TUBA3C: variants seen among roughly 807,000 people sequenced by gnomAD.
The protein encoded by TUBA3C is tubulin alpha-3C chain.
Under a neutral mutation model 33.4 loss-of-function variants are expected in TUBA3C, and 23 were observed. The observed-to-expected ratio is 0.69, with a 90% confidence interval of 0.50 to 0.98. TUBA3C has a LOEUF of 0.98. Ranked by LOEUF, TUBA3C falls within the 50% of genes least tolerant of loss-of-function variation. The probability of loss-of-function intolerance (pLI) is 0.00; values close to 1 mark genes in which losing one functional copy is unlikely to be tolerated. For synonymous variants in TUBA3C, 269 were observed against 250.4 expected (o/e 1.07, Z -0.70); for missense variants, 402 against 616.0 (o/e 0.65, Z 3.68).
rs202136452 is a variant in TUBA3C at position 19,181,766 on chromosome 13, C to A, written c.-19G>T. ...TTACCATGTTGAGCTCCTCCGCTGC[C>A]GCAGCCCAACGCTACTACTTGACCT... On this transcript the variant is annotated 5_prime_UTR_variant, in exon 1 of 5. Transcript: ENST00000400113. 6.9e-6 allele frequency: 11 copies of A among 1,601,860 alleles called. No homozygotes were observed. The African/African-American group carries it at 1.3e-4, about 19-fold the overall frequency.
Position 19,177,491 on chromosome 13 carries a change from C to G in TUBA3C, c.492G>C (p.Lys164Asn). 3 of 1,614,138 alleles carry G rather than the reference C, an allele frequency of 1.9e-6. No homozygotes were observed. Among genetic ancestry groups the G allele is most frequent in the Non-Finnish European group, 2.5e-6 (3 of 1,180,032 alleles). The change falls in exon 4 of 5, where the codon AAG becomes AAC. Residue 164 changes from lysine (K) to asparagine (N), a missense_variant. Coordinates refer to ENST00000400113, the MANE Select transcript of TUBA3C (RefSeq NM_006001.3). The surrounding 1 kb of genome is among the most constrained non-coding windows in gnomAD (Gnocchi z 5.0). ...GGTAAATGGCAAATTCTAGCTTGGACTTCTTGCCGTAATCCACTGAGAGCC... is the reference window on the plus strand; with the variant it reads ...GGTAAATGGCAAATTCTAGCTTGGAGTTCTTGCCGTAATCCACTGAGAGCC... ...MERLSVDYGK[K>N]SKLEFAIYPA...
chr13:19,173,788 C>A lies in TUBA3C; in HGVS notation c.*75G>T. On this transcript the variant is annotated 3_prime_UTR_variant, in exon 5 of 5. Coordinates refer to ENST00000400113, the MANE Select transcript of TUBA3C (RefSeq NM_006001.3). ...ACAGAGGTCTTGGTTTTATACAGAA[C>A]CTTTAATTGCAAAGAACTTGAAAGC... The A allele has an allele frequency of 6.4e-7, 1 of 1,553,956 alleles. No homozygotes were observed. Among genetic ancestry groups the A allele is most frequent in the Non-Finnish European group, 8.7e-7 (1 of 1,150,038 alleles).
At chr13:19,178,019 G>A (rs1869263254) in intron 3 of TUBA3C, among the ~76,000 whole-genome samples, 1 of 152,104 alleles carries the variant, frequency 6.6e-6, no homozygotes, top group Non-Finnish European at 1.5e-5. Flanking sequence ...ACTAATGTGT[G>A]TATTTTTAGT....
chr13:19,175,792 G>T (rs1869157857), intron 4 of TUBA3C, among the ~76,000 whole-genome samples: 1 of 152,130 alleles, frequency 6.6e-6, no homozygotes, highest in Non-Finnish European at 1.5e-5. Flanking sequence ...CACCCAGGCT[G>T]GAGTGCAGTG....
At position 19,181,695 on chromosome 13, in the gene TUBA3C, G is replaced by A. The variant is rs775911004; in HGVS notation, c.3+50C>T. 12 of 1,600,436 alleles carry A rather than the reference G, an allele frequency of 7.5e-6. No homozygotes were observed. In the African/African-American group the frequency reaches 8.0e-5, roughly 11 times the overall value. ...CCAGCCACCTCAGGAGGCCAACTTC[G>A]TCCACCCTCCAGCCTGGGCGTCTGC... On this transcript the variant is annotated intron_variant, in intron 1 of 4. Transcript: ENST00000400113.
At chr13:19,174,816 G>T (rs1393358839) in intron 4 of TUBA3C, among the ~76,000 whole-genome samples, 2 of 152,048 alleles carry the variant, frequency 1.3e-5, no homozygotes, top group African/African-American at 4.8e-5. Context: ...AAAAAAATTA[G>T]CTGGGCATGG....
Position 19,173,846 on chromosome 13 carries a change from C to A in TUBA3C, c.*17G>T. The A allele has an allele frequency of 6.2e-7, 1 of 1,602,410 alleles. No individual in the cohort carries two copies. The highest frequency in any genetic ancestry group is 2.2e-5 in the East Asian group (1 of 44,746). ...CTGGGGGTGGCAGTGGAGTGGAGAA[C>A]CCACCACACCCTCCCCTCAGTATTC... On this transcript the variant is annotated 3_prime_UTR_variant, in exon 5 of 5. Coordinates refer to ENST00000400113, the MANE Select transcript of TUBA3C (RefSeq NM_006001.3).
intron 1 of TUBA3C, among the ~76,000 whole-genome samples, chr13:19,180,524 C>A (rs1869363809): frequency 1.3e-5 from 2 of 150,662 alleles, no homozygotes; most frequent in African/African-American, 4.9e-5. Flanking sequence ...TTTTTTTAAA[C>A]AGAGTCTTGC....
At chr13:19,179,615 C>A in intron 1 of TUBA3C, 52 bp from the exon 2 acceptor site, 1 of 1,573,154 alleles carries the variant, frequency 6.4e-7, no homozygotes, top group Non-Finnish European at 8.6e-7. Context: ...CAACTTGAAG[C>A]TATATGGTAT....
chr13:19,173,961 A>C lies in TUBA3C; in HGVS notation c.1255T>G (p.Ser419Ala), dbSNP rs752255308. ...GCTGCCAGGTCCTCGCGGGCCTCAG[A>C]GAACTCCCCCTCCTCCATGCCTTCT... ...VGEGMEEGEF[S>A]EAREDLAALE... The change falls in exon 5 of 5, where the codon TCT becomes GCT. Residue 419 changes from serine (S) to alanine (A), a missense_variant. Transcript: ENST00000400113. The C allele has an allele frequency of 1.2e-6, 2 of 1,614,038 alleles. No homozygotes were observed. Among genetic ancestry groups the C allele is most frequent in the Non-Finnish European group, 1.7e-6 (2 of 1,180,016 alleles).
intron 4 of TUBA3C, 149 bp downstream of exon 4, chr13:19,176,778 A>G: frequency 2.6e-6 from 1 of 383,830 alleles, no homozygotes. Context: ...TGAATTAATG[A>G]TCACTCTGGT....
rs772417070 is a variant in TUBA3C, at chr13:19,174,059, T to A, written c.1157A>T (p.Glu386Val). Residue 386 changes from glutamate to valine, a missense_variant, in exon 5 of 5, where the codon GAG (glutamate) becomes GTG (valine). Coordinates refer to ENST00000400113, the MANE Select transcript of TUBA3C (RefSeq NM_006001.3). ...CTTATGGTCCAGGCGAGCCCAGGCC[T>A]CCGCGATGGCCGTGGTGTTGCTCAG... ...CMLSNTTAIA[E>V]AWARLDHKFD... 1.9e-6 allele frequency: 3 copies of A among 1,613,862 alleles called. No individual in the cohort carries two copies. The highest frequency in any genetic ancestry group is 1.7e-6 in the Non-Finnish European group (2 of 1,180,008).
intron 4 of TUBA3C, among the ~76,000 whole-genome samples, chr13:19,175,572 T>G (rs36216411): frequency 6.6e-6 from 1 of 152,176 alleles, no homozygotes; most frequent in African/African-American, 2.4e-5. Context: ...TCTCTTCTTC[T>G]CCTTCAGGGG....
At chr13:19,180,669 G>T (rs1471636784) in intron 1 of TUBA3C, among the ~76,000 whole-genome samples, 2 of 151,612 alleles carry the variant, frequency 1.3e-5, no homozygotes, top group Non-Finnish European at 2.9e-5. Context: ...CTAATTTTTT[G>T]TATTTTTAGT....
chr13:19,176,851 G>A, intron 4 of TUBA3C, 76 bp downstream of exon 4: 9 of 1,542,056 alleles, frequency 5.8e-6, no homozygotes, highest in South Asian at 2.5e-5. Context: ...AAGGATGTGG[G>A]CCTTCAGGGG....
At chr13:19,176,755 A>AAAAAAAAAAC in intron 4 of TUBA3C, among the ~76,000 whole-genome samples, 172 bp downstream of exon 4, 1 of 147,122 alleles carries the variant, frequency 6.8e-6, no homozygotes, top group Non-Finnish European at 1.5e-5. Flanking sequence ...AAAAAAAAAA[A>AAAAAAAAAAC]AAAAGACATC....
intron 4 of TUBA3C, among the ~76,000 whole-genome samples, chr13:19,175,705 G>A (rs1593260290): frequency 6.6e-6 from 1 of 152,284 alleles, no homozygotes; most frequent in Non-Finnish European, 1.5e-5. Context: ...GTGTGACAGA[G>A]GTCGTGTAAC....
chr13:19,180,143 C>T (rs741728), intron 1 of TUBA3C, among the ~76,000 whole-genome samples: 25 of 152,060 alleles, frequency 1.6e-4, no homozygotes, highest in Admixed American at 5.9e-4. Context: ...GACAGGCAGC[C>T]GCAGGAGACC....
intron 4 of TUBA3C, among the ~76,000 whole-genome samples, chr13:19,175,579 G>A (rs1869150417): frequency 6.6e-6 from 1 of 152,128 alleles, no homozygotes; most frequent in South Asian, 2.1e-4. Context: ...TTCTCCTTCA[G>A]GGGTTAGCAC....
Sources: gnomAD v4.1 joint callset for allele counts (sites outside exome capture counted in the v4.1 genomes callset) on GRCh38, gnomAD v4.1.1 for gene constraint, Gnocchi (gnomAD v3.1) non-coding constraint, MANE v1.5 for transcripts, NCBI Gene and HGNC (gene_info 2026-07-23, HGNC 2026-07-21) for gene names.